Variants in ABCA13 observed in about 807,000 individuals in gnomAD.
The protein encoded by ABCA13 is ATP-binding cassette sub-family A member 13.
In ABCA13, 476 loss-of-function variants were observed where a neutral mutation model predicts 478.7. The ratio of observed to expected loss-of-function variants is 0.99; its 90% CI spans 0.92 to 1.07. ABCA13 has a LOEUF of 1.07. ABCA13 is among the 50% of genes least tolerant of loss of function. The pLI is 0.00. For missense variants in ABCA13, 6,060 were observed against 5,910.6 expected (o/e 1.03, Z -0.83); for synonymous variants, 2,252 against 2,158.9 (o/e 1.04, Z -1.20).
intron 42 of ABCA13, among the ~76,000 whole-genome samples, chr7:48,436,962 T>C (rs1196853845): frequency 1.3e-5 from 2 of 151,938 alleles, no homozygotes; most frequent in African/African-American, 4.8e-5. Flanking sequence ...TTGAGAATGT[T>C]TCGTATACAC....
At chr7:48,254,430 A>AT (rs935526694) in intron 15 of ABCA13, among the ~76,000 whole-genome samples, 32 of 152,064 alleles carry the variant, frequency 2.1e-4, no homozygotes, top group South Asian at 1.0e-3. Flanking sequence ...TTTGCAGCTA[A>AT]TTTTTTTATT....
chr7:48,200,621 A>G (rs1798546218), intron 3 of ABCA13, among the ~76,000 whole-genome samples: 1 of 152,222 alleles, frequency 6.6e-6, no homozygotes, highest in Non-Finnish European at 1.5e-5. Context: ...AGTCAGAGGT[A>G]TAAGAAATAC....
chr7:48,249,856 C>T (rs1792270931), intron 15 of ABCA13, among the ~76,000 whole-genome samples: 2 of 151,548 alleles, frequency 1.3e-5, no homozygotes, highest in African/African-American at 4.9e-5. Context: ...TTCTCCACTT[C>T]TCCATTGACA....
chr7:48,280,020 C>T (rs1796823515), intron 18 of ABCA13, 100 bp downstream of exon 18: 2 of 1,252,752 alleles, frequency 1.6e-6, no homozygotes, highest in African/African-American at 1.5e-5. Context: ...AGTAGTTCTT[C>T]TTGACTTCAA....
chr7:48,392,154 G>GTC lies in ABCA13; in HGVS notation c.11873+21_11873+22dup. 6.2e-7 allele frequency: 1 copy of GTC among 1,610,692 alleles called. No homozygotes were observed. The highest frequency in any genetic ancestry group is 8.5e-7 in the Non-Finnish European group (1 of 1,177,646). On this transcript the variant is annotated intron_variant, in intron 38 of 61. Coordinates refer to ENST00000435803, the MANE Select transcript of ABCA13 (RefSeq NM_152701.5). ...CAAGTCAATCAGTTAGTAAACAGTT[G>GTC]TCTCTCTGCTCCTCCTGCCTCTGCC...
chr7:48,318,921 T>C (rs938884393), intron 27 of ABCA13, among the ~76,000 whole-genome samples: 3 of 152,234 alleles, frequency 2.0e-5, no homozygotes, highest in Non-Finnish European at 4.4e-5. Flanking sequence ...TATTCTGCAG[T>C]ATAACAATTA....
At chr7:48,260,084 G>A (rs1793966660) in intron 15 of ABCA13, among the ~76,000 whole-genome samples, 1 of 151,802 alleles carries the variant, frequency 6.6e-6, no homozygotes, top group East Asian at 1.9e-4. Context: ...AATGATCTTT[G>A]TTCTTATCTG....
chr7:48,185,625 T>C (rs1232954966), intron 1 of ABCA13, among the ~76,000 whole-genome samples: 1 of 152,184 alleles, frequency 6.6e-6, no homozygotes, highest in Non-Finnish European at 1.5e-5. Flanking sequence ...TAAAGTTTTA[T>C]AATTTTCTTT....
chr7:48,469,589 G>A (rs967871854), intron 44 of ABCA13, among the ~76,000 whole-genome samples: 7 of 149,970 alleles, frequency 4.7e-5, no homozygotes, highest in African/African-American at 1.8e-4. Context: ...CTTAAGGCAA[G>A]TTCCTGCCTC....
At chr7:48,391,309 G>A (rs555276558) in intron 37 of ABCA13, among the ~76,000 whole-genome samples, 4 of 152,286 alleles carry the variant, frequency 2.6e-5, no homozygotes, top group Admixed American at 6.5e-5. Flanking sequence ...TCATCTTAAA[G>A]TCCCATACAA....
intron 34 of ABCA13, among the ~76,000 whole-genome samples, chr7:48,374,794 C>T (rs545099498): frequency 1.9e-4 from 29 of 152,232 alleles, no homozygotes; most frequent in Admixed American, 2.0e-4. Context: ...TGGAGCAGTC[C>T]GTGGCCTGTT....
At chr7:48,203,211 G>T (rs1027423563) in intron 3 of ABCA13, among the ~76,000 whole-genome samples, 3 of 151,222 alleles carry the variant, frequency 2.0e-5, no homozygotes, top group African/African-American at 4.9e-5. Context: ...TCCGAGTGCG[G>T]GCGGGGCCCG....
chr7:48,297,873 C>T (rs1419289747), intron 22 of ABCA13, among the ~76,000 whole-genome samples: 1 of 150,848 alleles, frequency 6.6e-6, no homozygotes, highest in African/African-American at 2.4e-5. Context: ...CTCCTGGGTT[C>T]AAGCGATTCT....
At chr7:48,580,958 A>C (rs1489042687) in intron 56 of ABCA13, among the ~76,000 whole-genome samples, 1 of 152,158 alleles carries the variant, frequency 6.6e-6, no homozygotes, top group Non-Finnish European at 1.5e-5. Context: ...TGGAGCAGTG[A>C]GAGAGCAAAA....
intron 13 of ABCA13, among the ~76,000 whole-genome samples, chr7:48,246,730 C>T (rs1329333457): frequency 6.6e-6 from 1 of 152,012 alleles, no homozygotes; most frequent in African/African-American, 2.4e-5. Flanking sequence ...ATTCAATCAC[C>T]GATTTCTTAG....
In ABCA13 at chr7:48,422,081, A is replaced by AG. The variant is rs1820836967; in HGVS notation, c.12460-5685_12460-5684insG. Reference sequence around the variant, plus strand: ...AAAAAAAAAAAAAAAAAAAAAAAAAAAAAGAAAAAAGGAAAGAAGGAAGAA... The same window carrying AG: ...AAAAAAAAAAAAAAAAAAAAAAAAAAGAAAGAAAAAAGGAAAGAAGGAAGAA... On this transcript the variant is annotated intron_variant, in intron 41 of 61. Coordinates refer to ENST00000435803, the MANE Select transcript of ABCA13 (RefSeq NM_152701.5). Among the ~76,000 whole-genome samples the AG allele has an allele frequency of 5.2e-5, 7 of 135,208 alleles. No homozygotes were observed. In the Admixed American group the frequency reaches 5.5e-4, roughly 11 times the overall value. 88.7% of individuals were successfully genotyped at this position (135,208 alleles called of 152,430 possible).
At chr7:48,312,646 C>G (rs1169757999) in intron 24 of ABCA13, among the ~76,000 whole-genome samples, 1 of 152,158 alleles carries the variant, frequency 6.6e-6, no homozygotes, top group Non-Finnish European at 1.5e-5. Flanking sequence ...ATGCACATCC[C>G]CAAGGTATTA....
chr7:48,408,862 T>C (rs1276447707), intron 39 of ABCA13, among the ~76,000 whole-genome samples: 1 of 152,186 alleles, frequency 6.6e-6, no homozygotes, highest in African/African-American at 2.4e-5. Context: ...CACCATCTGG[T>C]AGACCTCAGT....
At chr7:48,244,320 C>G (rs1413241213) in intron 10 of ABCA13, among the ~76,000 whole-genome samples, 2 of 152,250 alleles carry the variant, frequency 1.3e-5, no homozygotes, top group Admixed American at 6.5e-5. Context: ...TTCTTTTACA[C>G]ACACCTAGGA....
Sources: gnomAD v4.1 joint callset for allele counts (sites outside exome capture counted in the v4.1 genomes callset) on GRCh38, gnomAD v4.1.1 for gene constraint, MANE v1.5 for transcripts, NCBI Gene and HGNC (gene_info 2026-07-23, HGNC 2026-07-21) for gene names.